Variants in CFAP95 observed in about 807,000 individuals in gnomAD.
CFAP95 encodes cilia and flagella associated protein 95.
chr9:69,836,705 T>A, the CFAP95 span, among the ~76,000 whole-genome samples: 3 of 148,902 alleles, frequency 2.0e-5, no homozygotes, highest in African/African-American at 7.4e-5. Context: ...TTTTTTTTTT[T>A]ACATTTTATT....
chr9:69,873,081 T>G, the CFAP95 span, among the ~76,000 whole-genome samples: 2 of 152,142 alleles, frequency 1.3e-5, no homozygotes, highest in African/African-American at 2.4e-5. Context: ...AGCCTATGAT[T>G]TCCAGAACAA....
the CFAP95 span, among the ~76,000 whole-genome samples, chr9:69,903,117 T>A: frequency 6.6e-6 from 1 of 152,210 alleles, no homozygotes; most frequent in Non-Finnish European, 1.5e-5. Context: ...CTATTGTGTT[T>A]CTTACTGACT....
At chr9:69,868,469 C>T in the CFAP95 span, among the ~76,000 whole-genome samples, 2 of 152,084 alleles carry the variant, frequency 1.3e-5, no homozygotes, top group East Asian at 3.9e-4. Flanking sequence ...ATCAGCCTGG[C>T]CAACATGGTG....
the CFAP95 span, among the ~76,000 whole-genome samples, chr9:69,855,274 C>T: frequency 6.6e-5 from 10 of 152,268 alleles, no homozygotes; most frequent in Admixed American, 5.9e-4. Flanking sequence ...ATATGATTTT[C>T]AAAGAGTTGG....
At chr9:69,830,290 C>A in the CFAP95 span, among the ~76,000 whole-genome samples, 1,054 of 152,202 alleles carry the variant, frequency 6.9e-3, 11 homozygotes, top group African/African-American at 0.023. Context: ...TAGGCAAGGG[C>A]AAATGGAAAT....
chr9:69,866,714 T>C, the CFAP95 span, among the ~76,000 whole-genome samples: 1 of 152,218 alleles, frequency 6.6e-6, no homozygotes, highest in South Asian at 2.1e-4. Context: ...CCCAGTTATG[T>C]TGACACATAA....
At chr9:69,883,755 A>T in the CFAP95 span, among the ~76,000 whole-genome samples, 1 of 150,312 alleles carries the variant, frequency 6.7e-6, no homozygotes, top group African/African-American at 2.4e-5. Context: ...CTCTGATTTT[A>T]TTTATTTGGG....
the CFAP95 span, chr9:69,884,914 A>G: frequency 1.3e-5 from 2 of 151,992 alleles, no homozygotes; most frequent in Admixed American, 1.3e-4. Flanking sequence ...TGTTGTTTTA[A>G]TCATTAGTAC....
the CFAP95 span, among the ~76,000 whole-genome samples, chr9:69,890,221 G>A: frequency 2.0e-5 from 3 of 152,054 alleles, no homozygotes; most frequent in Non-Finnish European, 4.4e-5. Context: ...AATGTGGGAT[G>A]TATTTTTAGG....
At chr9:69,855,284 G>C in the CFAP95 span, among the ~76,000 whole-genome samples, 8 of 152,158 alleles carry the variant, frequency 5.3e-5, no homozygotes, top group Non-Finnish European at 8.8e-5. Flanking sequence ...CAAAGAGTTG[G>C]TTGATTTGCT....
the CFAP95 span, among the ~76,000 whole-genome samples, chr9:69,886,295 A>G: frequency 3.3e-5 from 5 of 152,174 alleles, no homozygotes; most frequent in Admixed American, 2.6e-4. Flanking sequence ...TCCTTTAAGC[A>G]CTTTAGGTGC....
chr9:69,895,000 GAA>G, the CFAP95 span, among the ~76,000 whole-genome samples: 28 of 128,924 alleles, frequency 2.2e-4, no homozygotes, highest in Middle Eastern at 8.8e-3. Flanking sequence ...CAAAAAAAAA[GAA>G]AAAAAAAAAA....
chr9:69,879,217 C>T, the CFAP95 span, among the ~76,000 whole-genome samples: 12 of 152,158 alleles, frequency 7.9e-5, no homozygotes, highest in African/African-American at 2.9e-4. Context: ...CTCTTTTAAT[C>T]AGTAGATAAT....
the CFAP95 span, among the ~76,000 whole-genome samples, chr9:69,826,019 A>G: frequency 6.6e-6 from 1 of 152,204 alleles, no homozygotes; most frequent in African/African-American, 2.4e-5. Flanking sequence ...CTATAGGAAG[A>G]AACCAGAAAG....
chr9:69,861,392 G>A, the CFAP95 span, among the ~76,000 whole-genome samples: 1 of 152,126 alleles, frequency 6.6e-6, no homozygotes, highest in Non-Finnish European at 1.5e-5. Flanking sequence ...TGATGCCTGT[G>A]TTCTTAGAGT....
chr9:69,876,382 A>C, the CFAP95 span, among the ~76,000 whole-genome samples: 3 of 152,014 alleles, frequency 2.0e-5, no homozygotes, highest in Non-Finnish European at 4.4e-5. Context: ...AAAATACAAA[A>C]ATTACTTGGG....
the CFAP95 span, among the ~76,000 whole-genome samples, chr9:69,822,895 C>T: frequency 6.6e-6 from 1 of 152,162 alleles, no homozygotes. Context: ...GTGTGTCATG[C>T]ACTTTGCTAC....
At chr9:69,851,708 G>A in the CFAP95 span, among the ~76,000 whole-genome samples, 1 of 151,994 alleles carries the variant, frequency 6.6e-6, no homozygotes, top group Non-Finnish European at 1.5e-5. Context: ...GACAGGAAAA[G>A]GAGCATCCCG....
chr9:69,890,784 C>T, the CFAP95 span, among the ~76,000 whole-genome samples: 1 of 152,212 alleles, frequency 6.6e-6, no homozygotes, highest in Non-Finnish European at 1.5e-5. Flanking sequence ...ATTATGGTCT[C>T]TTACGTTTCC....
Sources: allele counts gnomAD v4.1 joint callset (sites outside exome capture counted in the v4.1 genomes callset), GRCh38; gene constraint gnomAD v4.1.1; transcripts MANE v1.5; gene names NCBI Gene and HGNC (gene_info 2026-07-23, HGNC 2026-07-21).